Variants in DRC1 observed in about 807,000 individuals in gnomAD.
The protein encoded by DRC1 is dynein regulatory complex subunit 1.
Under a neutral mutation model 98.7 loss-of-function variants are expected in DRC1, and 74 were observed. The ratio of observed to expected loss-of-function variants is 0.75; its 90% CI spans 0.62 to 0.91. The LOEUF is 0.91. Among genes scored for constraint, DRC1 ranks in the 40% least tolerant of loss-of-function variants. The pLI is 0.00. For missense variants in DRC1, 875 were observed against 886.0 expected (o/e 0.99, Z 0.16); for synonymous variants, 336 against 334.1 (o/e 1.01, Z -0.06).
chr2:26,430,838 G>A lies in DRC1; in HGVS notation c.731G>A (p.Trp244Ter), dbSNP rs1167164681. The change falls in exon 6 of 17, where the codon TGG (tryptophan) becomes TAG (stop). Residue 244 changes from tryptophan to a stop codon, truncating the protein, a stop_gained. Transcript: ENST00000288710. LOFTEE classifies it high-confidence loss of function. ...QELLASNKKKWEQALQAHNAK... is the reference protein window; with the variant it reads ...QELLASNKKK ...CTACTGGCCAGTAATAAGAAGAAAT[G>A]GGAGCAAGCCCTTCAGGCTCATAAT... 2.5e-6 allele frequency: 4 copies of A among 1,614,032 alleles called. No individual in the cohort carries two copies. Among genetic ancestry groups the A allele is most frequent in the Non-Finnish European group, 3.4e-6 (4 of 1,180,028 alleles).
intron 11 of DRC1, among the ~76,000 whole-genome samples, chr2:26,449,389 T>C (rs1663941823): frequency 1.3e-5 from 2 of 152,346 alleles, no homozygotes; most frequent in African/African-American, 4.8e-5. Flanking sequence ...GGCTGGCTCT[T>C]GCCACTGAGG....
intron 1 of DRC1, among the ~76,000 whole-genome samples, chr2:26,405,986 G>A (rs958209592): frequency 1.4e-4 from 21 of 152,104 alleles, no homozygotes; most frequent in African/African-American, 4.6e-4. Context: ...GGTTGGGGCC[G>A]CGCATTGTGC....
chr2:26,440,807 C>T (rs1663698427), intron 8 of DRC1, among the ~76,000 whole-genome samples: 1 of 152,188 alleles, frequency 6.6e-6, no homozygotes, highest in South Asian at 2.1e-4. Context: ...CAAATATTCT[C>T]ATCCCCCATC....
At chr2:26,430,956 A>ACC in intron 6 of DRC1, 84 bp downstream of exon 6, 1 of 572,478 alleles carries the variant, frequency 1.7e-6, no homozygotes, top group Non-Finnish European at 2.5e-6. Flanking sequence ...GCCTTTTTCT[A>ACC]TCTTTTTTTT....
rs1558451395 is a variant in DRC1, at chr2:26,444,360, T to A, written c.1163+4T>A. The A allele has an allele frequency of 1.2e-6, 2 of 1,613,190 alleles. No homozygotes were observed. The highest frequency in any genetic ancestry group is 2.7e-5 in the African/African-American group (2 of 74,822). On this transcript the variant is annotated splice_donor_region_variant and intron_variant, in intron 9 of 16. Transcript: ENST00000288710. The stretch of plus-strand genomic sequence containing the variant: ...AGGAGCTACAGAAAGCCATGAGGTA[T>A]CTTAAGGACTTGGTCCTAAGGCACT...
At chr2:26,428,060 T>C (rs1663331831) in intron 4 of DRC1, among the ~76,000 whole-genome samples, 1 of 152,244 alleles carries the variant, frequency 6.6e-6, no homozygotes, top group Admixed American at 6.5e-5. Flanking sequence ...CCTGCAACTT[T>C]GCTGAATTTA....
At chr2:26,443,702 G>A (rs1663777492) in intron 8 of DRC1, among the ~76,000 whole-genome samples, 1 of 152,218 alleles carries the variant, frequency 6.6e-6, no homozygotes, top group South Asian at 2.1e-4. Flanking sequence ...ACGTGGATGA[G>A]TGAATAAATG....
intron 7 of DRC1, among the ~76,000 whole-genome samples, chr2:26,438,698 T>C (rs1275731771): frequency 6.6e-6 from 1 of 152,184 alleles, no homozygotes; most frequent in African/African-American, 2.4e-5. Flanking sequence ...CAGTGAAGCG[T>C]CACCTCCTAG....
chr2:26,417,581 A>C (rs961920316), intron 2 of DRC1, among the ~76,000 whole-genome samples: 4 of 152,304 alleles, frequency 2.6e-5, no homozygotes, highest in African/African-American at 9.6e-5. Context: ...CTCCTGCCTC[A>C]GCTTCCCAAA....
At chr2:26,430,261 T>A in intron 5 of DRC1, among the ~76,000 whole-genome samples, 1 of 152,124 alleles carries the variant, frequency 6.6e-6, no homozygotes, top group East Asian at 1.9e-4. Flanking sequence ...TATTTTGAAT[T>A]TGAATGAAAT....
rs765278983 is a variant in DRC1, at chr2:26,429,181, A to AGAT, written c.541-443_541-441dup. Among the ~76,000 whole-genome samples the AGAT allele has an allele frequency of 9.1e-4, 24 of 26,380 alleles. 1 individual carries two copies. Among genetic ancestry groups the AGAT allele is most frequent in the South Asian group, 5.6e-3 (4 of 710 alleles). 17.3% of individuals were successfully genotyped at this position (26,380 alleles called of 152,430 possible). ...TTCTGAAACCACTTTCTCTTTGTAC[A>AGAT]GATGATTATTATTATTATTATTATT... On this transcript the variant is annotated intron_variant, in intron 4 of 16. Transcript: ENST00000288710.
chr2:26,455,052 A>C (rs1464817232), intron 15 of DRC1, 79 bp from the exon 16 acceptor site: 1 of 1,529,908 alleles, frequency 6.5e-7, no homozygotes, highest in Admixed American at 1.7e-5. Flanking sequence ...TAGCCAAAGT[A>C]CAACCACCAA....
At chr2:26,416,384 C>T (rs114460213) in intron 2 of DRC1, among the ~76,000 whole-genome samples, 1 of 152,146 alleles carries the variant, frequency 6.6e-6, no homozygotes, top group Non-Finnish European at 1.5e-5. Context: ...CAGTGATCTG[C>T]CTGCCTCAGC....
chr2:26,440,711 C>G (rs1480701417), intron 8 of DRC1, among the ~76,000 whole-genome samples, 194 bp downstream of exon 8: 1 of 152,166 alleles, frequency 6.6e-6, no homozygotes, highest in African/African-American at 2.4e-5. Flanking sequence ...TCTTCCGTCC[C>G]CATTCATCTT....
chr2:26,438,993 G>T (rs1355852861), intron 7 of DRC1, among the ~76,000 whole-genome samples: 1 of 152,022 alleles, frequency 6.6e-6, no homozygotes, highest in Non-Finnish European at 1.5e-5. Context: ...ACAGTGACTG[G>T]ACCAACCATT....
rs60703745 is a variant in DRC1, at chr2:26,420,946, T to G, written c.244-342T>G. On this transcript the variant is annotated intron_variant, in intron 2 of 16. Transcript: ENST00000288710. ...GCCTGGCTAATTTTTGAATTTTTAGTAGAGATGGGGTTTCACCATGTTGGC... is the reference window on the plus strand; with the variant it reads ...GCCTGGCTAATTTTTGAATTTTTAGGAGAGATGGGGTTTCACCATGTTGGC... Among the ~76,000 whole-genome samples the G allele has an allele frequency of 0.093, 14,196 of 151,964 alleles. 1,711 individuals are homozygous for G. Among genetic ancestry groups the G allele is most frequent in the East Asian group, 0.59 (3,026 of 5,144 alleles).
At position 26,455,939 on chromosome 2, in the gene DRC1, ACG is replaced by A. The variant is rs1420742726; in HGVS notation, c.2167-521_2167-520del. Among the ~76,000 whole-genome samples the A allele has an allele frequency of 1.5e-4, 3 of 19,974 alleles. No homozygotes were observed. In the Non-Finnish European group the frequency reaches 8.6e-3, roughly 57 times the overall value. The allele number at this position is 19,974 out of a possible 152,430, so 13.1% of individuals were successfully genotyped here. A position where few individuals can be genotyped will look rare whatever the true frequency, so the allele number is the denominator to read the frequency against. On this transcript the variant is annotated intron_variant, in intron 16 of 16. Transcript: ENST00000288710. ...GTCGTGACGCAGCTGTTAGTTGCAC[ACG>A]TGTGAGGTGACTGAGGCCAGCTCCA...
At chr2:26,411,168 T>C (rs1678595862) in intron 1 of DRC1, among the ~76,000 whole-genome samples, 1 of 152,174 alleles carries the variant, frequency 6.6e-6, no homozygotes, top group African/African-American at 2.4e-5. Context: ...TAGACAGAAG[T>C]CTGAAACAGT....
chr2:26,404,995 G>C (rs573622436), intron 1 of DRC1, among the ~76,000 whole-genome samples: 1 of 152,290 alleles, frequency 6.6e-6, no homozygotes, highest in East Asian at 1.9e-4. Flanking sequence ...ATGACCCTAG[G>C]CCCCTTTGGG....
Sources: gnomAD v4.1 joint callset for allele counts (sites outside exome capture counted in the v4.1 genomes callset) on GRCh38, gnomAD v4.1.1 for gene constraint, MANE v1.5 for transcripts, NCBI Gene and HGNC (gene_info 2026-07-23, HGNC 2026-07-21) for gene names.